WWTR1: variants seen among roughly 807,000 people sequenced by gnomAD.
The protein encoded by WWTR1 is WW domain-containing transcription regulator protein 1.
In WWTR1, 13 loss-of-function variants were observed where a neutral mutation model predicts 40.1. The observed-to-expected ratio is 0.32, with a 90% CI of 0.21 to 0.52. WWTR1 has a LOEUF of 0.52. Ranked by LOEUF, WWTR1 falls within the 20% of genes least tolerant of loss-of-function variation. WWTR1 has a pLI of 0.97. For missense variants in WWTR1, 436 were observed against 523.1 expected, an observed-to-expected ratio of 0.83 and a Z score of 1.63; for synonymous variants, 230 against 210.1, an observed-to-expected ratio of 1.09 and a Z score of -0.82.
At chr3:149,546,013 T>C (rs544604307) in intron 3 of WWTR1, among the ~76,000 whole-genome samples, 2 of 152,308 alleles carry the variant, frequency 1.3e-5, no homozygotes, top group African/African-American at 4.8e-5. Context: ...AGCAACCAGA[T>C]ATTGCTCAGC....
At chr3:149,673,722 T>C (rs952681944) in intron 1 of WWTR1, among the ~76,000 whole-genome samples, 2 of 152,208 alleles carry the variant, frequency 1.3e-5, no homozygotes, top group African/African-American at 4.8e-5. Context: ...TACTTTGCTG[T>C]CATGGGTCTC....
intron 3 of WWTR1, among the ~76,000 whole-genome samples, chr3:149,567,823 G>A (rs980010112): frequency 1.1e-4 from 16 of 152,190 alleles, no homozygotes; most frequent in South Asian, 2.1e-4. Flanking sequence ...ATACATAAAC[G>A]TCTAAATTAA....
chr3:149,621,963 A>C (rs1012334823), intron 2 of WWTR1, among the ~76,000 whole-genome samples: 3 of 152,156 alleles, frequency 2.0e-5, no homozygotes, highest in Non-Finnish European at 4.4e-5. Flanking sequence ...CCTTATCTTT[A>C]TTTCAACTCT....
intron 2 of WWTR1, among the ~76,000 whole-genome samples, chr3:149,588,990 G>A (rs1045265920): frequency 2.6e-5 from 4 of 152,198 alleles, no homozygotes; most frequent in Non-Finnish European, 1.5e-5. Context: ...AGAGGATCAA[G>A]GGAAGTTCTA....
intron 3 of WWTR1, among the ~76,000 whole-genome samples, chr3:149,558,773 A>T (rs990337903): frequency 1.3e-5 from 2 of 152,256 alleles, no homozygotes; most frequent in Non-Finnish European, 2.9e-5. Context: ...AAAAATGTCA[A>T]GGTCCAGAAC....
intron 2 of WWTR1, among the ~76,000 whole-genome samples, chr3:149,598,007 C>T (rs533724139): frequency 5.3e-5 from 8 of 152,288 alleles, no homozygotes; most frequent in Admixed American, 1.3e-4. Flanking sequence ...AAACAAGCAG[C>T]ATCTGTACTC....
intron 2 of WWTR1, among the ~76,000 whole-genome samples, chr3:149,580,029 T>G (rs1173950149): frequency 2.0e-5 from 3 of 152,242 alleles, no homozygotes; most frequent in Admixed American, 6.5e-5. Flanking sequence ...CAAGGAGTCT[T>G]GCCGAAGACT....
chr3:149,577,580 G>A (rs1737945619), intron 2 of WWTR1, among the ~76,000 whole-genome samples: 1 of 152,136 alleles, frequency 6.6e-6, no homozygotes, highest in Admixed American at 6.5e-5. Flanking sequence ...AACTGCCCAG[G>A]TTGGACAAAA....
chr3:149,702,464 C>CTTATTATTATTATTATTATTA (rs151003115), intron 1 of WWTR1: 206 of 147,304 alleles, frequency 1.4e-3, no homozygotes, highest in Middle Eastern at 3.6e-3. Context: ...CTCTCTAAGC[C>CTTATTATTATTATTATTATTA]TTATTATTAT....
intron 4 of WWTR1, among the ~76,000 whole-genome samples, chr3:149,536,359 T>G (rs78157755): frequency 1.4e-3 from 212 of 152,246 alleles, no homozygotes; most frequent in Non-Finnish European, 1.4e-3. Context: ...TTCTAAAAGT[T>G]AAATAGTCCC....
chr3:149,519,815 T>C lies in WWTR1; in HGVS notation c.*990A>G, dbSNP rs6440619. On this transcript the variant is annotated 3_prime_UTR_variant, in exon 7 of 7. Transcript: ENST00000360632. The stretch of plus-strand genomic sequence containing the variant: ...AAAATTAGCCGGACGTGGTGGCAGG[T>C]GCCTGTAATCCCAGCTACTCGGGAG... 0.95 allele frequency: 144,514 copies of C among 152,176 alleles called. 68,679 individuals carry two copies. Among genetic ancestry groups the C allele is most frequent in the East Asian group, 1 (5,147 of 5,154 alleles). The allele number at this position is 152,176 out of a possible 1,614,324, so 9.4% of individuals were successfully genotyped here.
chr3:149,688,379 T>C (rs556295597), intron 1 of WWTR1, among the ~76,000 whole-genome samples: 2 of 152,252 alleles, frequency 1.3e-5, no homozygotes, highest in South Asian at 4.2e-4. Flanking sequence ...CCAGCAATGG[T>C]GGCCACAAGA....
At chr3:149,667,534 C>A in intron 2 of WWTR1, among the ~76,000 whole-genome samples, 1 of 138,732 alleles carries the variant, frequency 7.2e-6, no homozygotes, top group African/African-American at 2.7e-5. Flanking sequence ...GGCGACAGAG[C>A]AAGACTCCAT....
chr3:149,524,043 A>T, intron 6 of WWTR1, among the ~76,000 whole-genome samples: 1 of 152,176 alleles, frequency 6.6e-6, no homozygotes. Flanking sequence ...GAGCACTTTG[A>T]GCTGGTCTCT....
rs890218957 is a variant in WWTR1, at chr3:149,520,133, G to T, written c.*672C>A. ...CTAATGCTGCTGCTGCTACTTTCCC[G>T]CTGGAGGGACTAAGTTGTCTAGATG... On this transcript the variant is annotated 3_prime_UTR_variant, in exon 7 of 7. Transcript: ENST00000360632. The T allele has an allele frequency of 6.6e-6, 1 of 152,158 alleles. No homozygotes were observed. Among genetic ancestry groups the T allele is most frequent in the African/African-American group, 2.4e-5 (1 of 41,422 alleles). 9.4% of individuals were successfully genotyped at this position (152,158 alleles called of 1,614,324 possible).
chr3:149,604,642 G>A (rs1046929960), intron 2 of WWTR1, among the ~76,000 whole-genome samples: 1 of 152,170 alleles, frequency 6.6e-6, no homozygotes, highest in Non-Finnish European at 1.5e-5. Context: ...CCCACATGCT[G>A]ACCAGCTGCT....
At chr3:149,628,300 G>A (rs963460438) in intron 2 of WWTR1, among the ~76,000 whole-genome samples, 1 of 152,152 alleles carries the variant, frequency 6.6e-6, no homozygotes, top group Non-Finnish European at 1.5e-5. Flanking sequence ...GACCCGGGAG[G>A]CAGAGCTTGC....
At chr3:149,648,116 C>T (rs1275165521) in intron 2 of WWTR1, among the ~76,000 whole-genome samples, 1 of 152,156 alleles carries the variant, frequency 6.6e-6, no homozygotes, top group Non-Finnish European at 1.5e-5. Flanking sequence ...TGTCTAAGCA[C>T]CTTTATGAGA....
chr3:149,571,236 T>G (rs1737614241), intron 3 of WWTR1, among the ~76,000 whole-genome samples: 1 of 99,596 alleles, frequency 1.0e-5, no homozygotes, highest in African/African-American at 3.5e-5. Context: ...TTTTTTTTTT[T>G]GTAAACTGGG....
Sources: gnomAD v4.1 joint callset for allele counts (sites outside exome capture counted in the v4.1 genomes callset) on GRCh38, gnomAD v4.1.1 for gene constraint, MANE v1.5 for transcripts, NCBI Gene and HGNC (gene_info 2026-07-23, HGNC 2026-07-21) for gene names.